MORC4: variants seen among roughly 807,000 people sequenced by gnomAD.
MORC4 encodes MORC family CW-type zinc finger 4, also known as MORC family CW-type zinc finger protein 4.
Under a neutral mutation model 65.5 loss-of-function variants are expected in MORC4, and 22 were observed. That is an observed-to-expected ratio of 0.34 (90% CI 0.24 to 0.48). The LOEUF is 0.48. Ranked by LOEUF, MORC4 falls within the 20% of genes least tolerant of loss-of-function variation. The probability of loss-of-function intolerance (pLI) is 0.99; values close to 1 mark genes in which losing one functional copy is unlikely to be tolerated. For missense variants in MORC4, 624 were observed against 703.0 expected (o/e 0.89, Z 1.27); for synonymous variants, 267 against 255.8 (o/e 1.04, Z -0.42).
intron 10 of MORC4, 99 bp downstream of exon 10, chrX:106,961,913 C>A: frequency 1.4e-6 from 1 of 695,841 alleles, no homozygotes; most frequent in Non-Finnish European, 2.2e-6. Context: ...ACCACGAACC[C>A]ACCAGCAGGA....
At position 106,956,922 on chromosome X, in the gene MORC4, C is replaced by T; in HGVS notation, c.1454+14G>A. ...TACCCTATGGTAGAGAACCCCATCT[C>T]ATGTATACTCAACTGTTTCTTAGCT... On this transcript the variant is annotated intron_variant, in intron 12 of 16. Transcript: ENST00000355610. 8.6e-7 allele frequency: 1 copy of T among 1,161,537 alleles called. No homozygotes were observed. The highest frequency in any genetic ancestry group is 1.2e-6 in the Non-Finnish European group (1 of 853,147).
intron 3 of MORC4, among the ~76,000 whole-genome samples, chrX:106,990,732 C>T (rs1388735408): frequency 1.8e-5 from 2 of 111,389 alleles, no homozygotes; most frequent in East Asian, 2.9e-4. Context: ...ATTAGCTGGG[C>T]GTGATTGTAC....
intron 9 of MORC4, among the ~76,000 whole-genome samples, chrX:106,969,753 T>C (rs1005647552): frequency 9.0e-6 from 1 of 111,647 alleles, no homozygotes; most frequent in Non-Finnish European, 1.9e-5. Flanking sequence ...CCTCGACACA[T>C]ACACCCTCCT....
chrX:106,991,085 G>A (rs1934973207), intron 3 of MORC4, among the ~76,000 whole-genome samples: 1 of 111,396 alleles, frequency 9.0e-6, no homozygotes, highest in Non-Finnish European at 1.9e-5. Context: ...CTATAGCTAA[G>A]AAAGTTTCTA....
intron 11 of MORC4, 85 bp from the exon 12 acceptor site, chrX:106,957,089 T>C (rs1934127482): frequency 5.6e-6 from 3 of 538,195 alleles, no homozygotes; most frequent in Admixed American, 2.7e-5. Context: ...CTATGCAGGT[T>C]AACAACTCTC....
chrX:106,990,879 A>T (rs181057748), intron 3 of MORC4, among the ~76,000 whole-genome samples: 166 of 110,416 alleles, frequency 1.5e-3, no homozygotes, highest in East Asian at 9.8e-3. Context: ...TCTCAAAAAA[A>T]TTTTTTTTTA....
intron 3 of MORC4, among the ~76,000 whole-genome samples, chrX:106,990,232 T>C (rs1384786026): frequency 1.8e-5 from 2 of 110,209 alleles, no homozygotes; most frequent in African/African-American, 6.6e-5. Flanking sequence ...AGGATTGGAC[T>C]AAAAAATCTC....
intron 13 of MORC4, 104 bp from the exon 14 acceptor site, chrX:106,955,192 A>C (rs1934077698): frequency 1.7e-6 from 1 of 591,355 alleles, no homozygotes; most frequent in East Asian, 3.5e-5. Context: ...GCCAAATAAA[A>C]AGAAACTGTT....
chrX:106,954,804 C>A, intron 14 of MORC4, 109 bp downstream of exon 14: 1 of 701,828 alleles, frequency 1.4e-6, no homozygotes, highest in Admixed American at 3.4e-5. Flanking sequence ...TTCTGAATTC[C>A]ATGCTAGGCC....
rs745465703 is a variant in MORC4 at position 106,974,789 on chromosome X, AC to A, written c.1157+1794del. Among the ~76,000 whole-genome samples, 340 of 111,553 alleles carry A rather than the reference AC, an allele frequency of 3.0e-3. 2 individuals carry two copies. Among genetic ancestry groups the A allele is most frequent in the African/African-American group, 0.01 (314 of 30,811 alleles). On this transcript the variant is annotated intron_variant, in intron 9 of 16. Coordinates refer to ENST00000355610, the MANE Select transcript of MORC4 (RefSeq NM_024657.5). ...TAGGATGAGTTTGTTATAGCAGACA[AC>A]CTTCTCTAATCCCTCTCTTAAATTC...
At chrX:106,945,115 C>T (rs1419821845) in intron 14 of MORC4, among the ~76,000 whole-genome samples, 5 of 111,835 alleles carry the variant, frequency 4.5e-5, no homozygotes, top group Admixed American at 3.8e-4. Flanking sequence ...CATGTATTGC[C>T]TCATCTAATT....
chrX:106,951,576 C>T (rs768959416), intron 14 of MORC4, among the ~76,000 whole-genome samples: 11 of 111,042 alleles, frequency 9.9e-5, no homozygotes, highest in Non-Finnish European at 1.9e-4. Context: ...CACTGTGTTG[C>T]CCAGGCTAGT....
chrX:106,981,064 C>A, intron 6 of MORC4, 45 bp from the exon 7 acceptor site: 1 of 1,187,966 alleles, frequency 8.4e-7, no homozygotes, highest in Non-Finnish European at 1.1e-6. Flanking sequence ...GTGATATTGC[C>A]AATTCTGCTG....
chrX:106,942,701 T>C lies in MORC4; in HGVS notation c.2190A>G (p.Pro730=). Residue 730 remains proline, a synonymous_variant, in exon 15 of 17, where the codon CCA becomes CCG. Coordinates refer to ENST00000355610, the MANE Select transcript of MORC4 (RefSeq NM_024657.5). ...CAGCAGAGGCCACAGAATAAGGCAC[T>C]GGGTTCCAGGATTCAACTGCTTTTC... The part of the protein sequence containing the change: ...ERRKAVESWN[P]VPYSVASAAI... The C allele has an allele frequency of 8.3e-7, 1 of 1,211,706 alleles. No individual in the cohort carries two copies. Among genetic ancestry groups the C allele is most frequent in the Non-Finnish European group, 1.1e-6 (1 of 895,462 alleles).
rs764227066 is a variant in MORC4 at position 106,958,396 on chromosome X, A to G, written c.1325T>C (p.Ile442Thr). The stretch of plus-strand genomic sequence containing the variant: ...TCTTGCAGGTAACATGGATGGATCA[A>G]TCTTCCCAGGAAGCTTTCTCCATTT... ...CLKWRKLPGK[I>T]DPSMLPARWF... Residue 442 changes from isoleucine to threonine, a missense_variant, in exon 11 of 17, where the codon ATT (isoleucine) becomes ACT (threonine). Coordinates refer to ENST00000355610, the MANE Select transcript of MORC4 (RefSeq NM_024657.5). The G allele has an allele frequency of 3.3e-6, 4 of 1,203,641 alleles. No homozygotes were observed. In the East Asian group the frequency reaches 8.9e-5, roughly 27 times the overall value.
chrX:106,941,798 G>T, intron 16 of MORC4, 140 bp downstream of exon 16: 1 of 830,363 alleles, frequency 1.2e-6, no homozygotes, highest in Non-Finnish European at 1.7e-6. Flanking sequence ...ACTGGCTGCA[G>T]CTTTCTAAGA....
Position 106,986,103 on chromosome X carries a change from C to A in MORC4, c.406G>T (p.Ala136Ser), listed in dbSNP as rs772136688. 8.3e-7 allele frequency: 1 copy of A among 1,208,545 alleles called. No individual in the cohort carries two copies. The highest frequency in any genetic ancestry group is 1.8e-5 in the African/African-American group (1 of 57,109). ...KSGSMRLGKDALVFTKNGGTL... is the reference protein window; with the variant it reads ...KSGSMRLGKDSLVFTKNGGTL... ...CCCCCATTCTTGGTGAAGACAAGGG[C>A]GTCCTTTCCTAGCCGCATGGAGCCT... Residue 136 changes from alanine (A) to serine (S), a missense_variant, in exon 4 of 17, where the codon GCC (alanine) becomes TCC (serine). Physicochemically the swap from Ala to Ser is moderately conservative, Grantham distance 99. Coordinates refer to ENST00000355610, the MANE Select transcript of MORC4 (RefSeq NM_024657.5).
chrX:106,952,686 A>G (rs962834624), intron 14 of MORC4, among the ~76,000 whole-genome samples: 1 of 111,868 alleles, frequency 8.9e-6, no homozygotes, highest in South Asian at 3.8e-4. Flanking sequence ...CGCCCCTGCT[A>G]AACTACCCAC....
intron 15 of MORC4, 30 bp downstream of exon 15, chrX:106,942,485 T>C (rs1204370566): frequency 2.6e-6 from 3 of 1,158,313 alleles, no homozygotes; most frequent in East Asian, 3.0e-5. Flanking sequence ...CTATGGTCTC[T>C]TATTCCTAGT....
Sources: allele counts gnomAD v4.1 joint callset (sites outside exome capture counted in the v4.1 genomes callset), GRCh38; gene constraint gnomAD v4.1.1; transcripts MANE v1.5; gene names NCBI Gene and HGNC (gene_info 2026-07-23, HGNC 2026-07-21).